PRRC2C: variants seen among roughly 807,000 people sequenced by gnomAD.
PRRC2C encodes the protein protein PRRC2C.
A neutral mutation model predicts 317.2 loss-of-function variants in PRRC2C; 72 were observed. The ratio of observed to expected loss-of-function variants is 0.23; its 90% CI spans 0.19 to 0.28. The LOEUF is 0.28. Ranked by LOEUF, PRRC2C falls within the 10% of genes least tolerant of loss-of-function variation. The pLI, the probability that PRRC2C is intolerant of heterozygous loss-of-function variation, is 1.00. For synonymous variants in PRRC2C, 1,296 were observed against 1,205.9 expected (o/e 1.07, Z -1.55); for missense variants, 3,074 against 3,459.7 (o/e 0.89, Z 2.80).
intron 34 of PRRC2C, chr1:171,591,353 T>G (rs533587959): frequency 1.5e-6 from 1 of 652,658 alleles, no homozygotes; most frequent in Non-Finnish European, 2.2e-6. Flanking sequence ...CTTGAAAAGG[T>G]GGTGGGAGGT....
chr1:171,586,681 A>G lies in PRRC2C; in HGVS notation c.7750-322A>G, dbSNP rs189272289. Among the ~76,000 whole-genome samples, 124 of 151,608 alleles carry G rather than the reference A, an allele frequency of 8.2e-4. 1 individual carries two copies. The East Asian group carries it at 0.016, about 20-fold the overall frequency. On this transcript the variant is annotated intron_variant, in intron 30 of 34. Coordinates refer to ENST00000647382, the MANE Select transcript of PRRC2C (RefSeq NM_001387844.1). ...CTGCAACCTCCCCCTCCTGGGTCCA[A>G]GTGATTCTCATGCCTCAGCCTCCCA...
intron 20 of PRRC2C, among the ~76,000 whole-genome samples, chr1:171,562,833 T>C (rs1187308313): frequency 6.6e-6 from 1 of 152,070 alleles, no homozygotes; most frequent in Non-Finnish European, 1.5e-5. Flanking sequence ...ATGTTTAAAG[T>C]GATGGAATGG....
Position 171,566,739 on chromosome 1 carries a change from A to G in PRRC2C, c.6454A>G (p.Thr2152Ala). Reference sequence around the variant, plus strand: ...ACCAAGCCCAGCTACAGTCAGAAGCACAGATCCTGTCACGACAAAGGAGAC... The same window carrying G: ...ACCAAGCCCAGCTACAGTCAGAAGCGCAGATCCTGTCACGACAAAGGAGAC... Reference protein sequence around the residue: ...EKPSPATVRSTDPVTTKETKA... With the variant: ...EKPSPATVRSADPVTTKETKA... The change falls in exon 22 of 35, where the codon ACA becomes GCA. Residue 2152 changes from threonine to alanine, a missense_variant. Thr to Ala is a moderately conservative substitution (Grantham distance 58). Transcript: ENST00000647382. The G allele has an allele frequency of 6.2e-7, 1 of 1,613,862 alleles. No homozygotes were observed. Among genetic ancestry groups the G allele is most frequent in the East Asian group, 2.2e-5 (1 of 44,858 alleles).
intron 1 of PRRC2C, among the ~76,000 whole-genome samples, chr1:171,495,749 T>C (rs1259256959): frequency 6.6e-6 from 1 of 152,206 alleles, no homozygotes; most frequent in Non-Finnish European, 1.5e-5. Context: ...ATGGGCAATT[T>C]AGTTAAAATT....
rs117561719 is a variant in PRRC2C, at chr1:171,494,034, G to C, written c.-58+8299G>C. Among the ~76,000 whole-genome samples, 102 of 152,308 alleles carry C rather than the reference G, an allele frequency of 6.7e-4. 1 individual carries two copies. The East Asian group carries it at 0.014, about 20-fold the overall frequency. ...TAAGTAATTTGCCTGTGGTCACCTA[G>C]CTACTAAATATTAGAGCTAGAATTT... is the stretch of plus-strand genomic sequence containing the variant. On this transcript the variant is annotated intron_variant, in intron 1 of 34. Coordinates refer to ENST00000647382, the MANE Select transcript of PRRC2C (RefSeq NM_001387844.1).
chr1:171,559,344 G>A (rs1193767174), intron 19 of PRRC2C, among the ~76,000 whole-genome samples: 1 of 152,058 alleles, frequency 6.6e-6, no homozygotes, highest in East Asian at 1.9e-4. Flanking sequence ...CTTGTTAGGG[G>A]CTAATGTATC....
intron 15 of PRRC2C, 115 bp from the exon 16 acceptor site, chr1:171,539,856 T>G (rs1245941931): frequency 1.1e-6 from 1 of 923,616 alleles, no homozygotes. Flanking sequence ...GAGAGAAAGA[T>G]TCTCATTATG....
chr1:171,584,795 T>C (rs1011379451), intron 30 of PRRC2C, among the ~76,000 whole-genome samples: 2 of 152,122 alleles, frequency 1.3e-5, no homozygotes, highest in Non-Finnish European at 2.9e-5. Flanking sequence ...GGGGGTTTTG[T>C]TTTGTTTTTT....
At chr1:171,583,456 C>T (rs566917485) in intron 28 of PRRC2C, among the ~76,000 whole-genome samples, 1 of 152,274 alleles carries the variant, frequency 6.6e-6, no homozygotes, top group East Asian at 1.9e-4. Context: ...GGGGCAGTAA[C>T]ACATACAGAG....
intron 11 of PRRC2C, among the ~76,000 whole-genome samples, chr1:171,528,350 G>A (rs58970552): frequency 0.02 from 2,932 of 149,298 alleles, 78 homozygotes; most frequent in East Asian, 0.14. Flanking sequence ...GTGCAGTGGC[G>A]TGATCTTGGC....
rs1678062678 is a variant in PRRC2C, at chr1:171,542,179, T to C, written c.4713T>C (p.Gly1571=). The part of the protein sequence containing the change: ...GPPKSGRNFS[G]PRNERRSGPP... Reference sequence around the variant, plus strand: ...CCAAATCAGGAAGGAATTTCTCAGGTCCTAGAAATGAAAGGAGAAGTGGCC... The same window carrying C: ...CCAAATCAGGAAGGAATTTCTCAGGCCCTAGAAATGAAAGGAGAAGTGGCC... Residue 1571 remains glycine (G), a synonymous_variant, in exon 16 of 35, where the codon GGT becomes GGC. Coordinates refer to ENST00000647382, the MANE Select transcript of PRRC2C (RefSeq NM_001387844.1). 2.5e-6 allele frequency: 4 copies of C among 1,594,608 alleles called. No homozygotes were observed.
At chr1:171,542,592 G>C (rs1678155313) in intron 16 of PRRC2C, among the ~76,000 whole-genome samples, 1 of 152,116 alleles carries the variant, frequency 6.6e-6, no homozygotes, top group South Asian at 2.1e-4. Context: ...TGCTACACAG[G>C]TGTCCTCTGA....
intron 1 of PRRC2C, among the ~76,000 whole-genome samples, chr1:171,487,182 T>A (rs993420389): frequency 5.9e-5 from 9 of 152,168 alleles, no homozygotes; most frequent in Non-Finnish European, 1.0e-4. Context: ...ATTTTTTTTT[T>A]AATCTCCACA....
chr1:171,500,975 T>G (rs1370215559), intron 1 of PRRC2C, among the ~76,000 whole-genome samples: 1 of 152,222 alleles, frequency 6.6e-6, no homozygotes, highest in East Asian at 1.9e-4. Context: ...CATGGCTCAC[T>G]GCAGCCTCGA....
chr1:171,554,474 G>A (rs1680948353), intron 18 of PRRC2C, among the ~76,000 whole-genome samples: 1 of 152,124 alleles, frequency 6.6e-6, no homozygotes. Flanking sequence ...TACATTTAAG[G>A]TTAATATTGT....
chr1:171,532,292 G>A, intron 11 of PRRC2C, 51 bp from the exon 12 acceptor site: 1 of 1,529,470 alleles, frequency 6.5e-7, no homozygotes, highest in Non-Finnish European at 8.8e-7. Flanking sequence ...GATACCCAGT[G>A]TTAGTCAGAA....
At chr1:171,548,048 C>A (rs1679496908) in intron 17 of PRRC2C, among the ~76,000 whole-genome samples, 1 of 152,198 alleles carries the variant, frequency 6.6e-6, no homozygotes, top group Non-Finnish European at 1.5e-5. Context: ...TCACTGCAAC[C>A]TCTGCCTCCC....
intron 13 of PRRC2C, 51 bp from the exon 14 acceptor site, chr1:171,535,978 A>C: frequency 2.6e-6 from 4 of 1,540,490 alleles, no homozygotes; most frequent in South Asian, 2.4e-5. Flanking sequence ...TGATTATGTT[A>C]ATTTGTCATG....
In PRRC2C at chr1:171,541,966, A is replaced by G; in HGVS notation, c.4500A>G (p.Thr1500=). ...SSDQANEEWE[T]ASESSDFNER... ...ATCAGGCAAATGAAGAATGGGAAACAGCTTCTGAAAGCAGTGATTTCAATG... is the reference window on the plus strand; with the variant it reads ...ATCAGGCAAATGAAGAATGGGAAACGGCTTCTGAAAGCAGTGATTTCAATG... The change falls in exon 16 of 35, where the codon ACA becomes ACG. Residue 1500 remains threonine (T), a synonymous_variant. Transcript: ENST00000647382. This position sits in a 1 kb window ranked among gnomAD's most constrained non-coding sequence, Gnocchi z 4.1. 3 of 1,613,994 alleles carry G rather than the reference A, an allele frequency of 1.9e-6. No homozygotes were observed. The South Asian group carries it at 3.3e-5, about 18-fold the overall frequency.
Sources: gnomAD v4.1 joint callset for allele counts (sites outside exome capture counted in the v4.1 genomes callset) on GRCh38, gnomAD v4.1.1 for gene constraint, Gnocchi (gnomAD v3.1) non-coding constraint, MANE v1.5 for transcripts, NCBI Gene and HGNC (gene_info 2026-07-23, HGNC 2026-07-21) for gene names.